The following ME3 variants were observed in gnomAD, a reference collection of about 807,000 sequenced individuals.
ME3 encodes NADP-dependent malic enzyme, mitochondrial.
ME3 carries 48 observed loss-of-function variants against 68.9 expected under a neutral mutation model. The observed-to-expected ratio is 0.70, with a 90% CI of 0.55 to 0.89. The LOEUF is 0.89. ME3 is among the 40% of genes least tolerant of loss of function. The pLI is 0.00. For missense variants in ME3, 675 were observed against 797.4 expected, an observed-to-expected ratio of 0.85 and a Z score of 1.85; for synonymous variants, 320 against 318.8, an observed-to-expected ratio of 1.00 and a Z score of -0.04.
In ME3 at chr11:86,449,978, G is replaced by A. The variant is rs201419210; in HGVS notation, c.1042C>T (p.Leu348Phe). ...CCTTCTTTCTCTAGGGCCATGACAAGGAGGTGGGCAATGCCCATAGCTGCC... is the reference window on the plus strand; with the variant it reads ...CCTTCTTTCTCTAGGGCCATGACAAAGAGGTGGGCAATGCCCATAGCTGCC... The change falls in exon 10 of 15, where the codon CTT becomes TTT. Residue 348 changes from leucine to phenylalanine, a missense_variant. By Grantham distance (22) the Leu-to-Phe change is conservative. Transcript: ENST00000543262. 379 of 1,613,778 alleles carry A rather than the reference G, an allele frequency of 2.3e-4. No homozygotes were observed. Among genetic ancestry groups the A allele is most frequent in the Non-Finnish European group, 2.8e-4 (336 of 1,179,890 alleles).
intron 7 of ME3, among the ~76,000 whole-genome samples, chr11:86,481,767 T>C (rs1305834230): frequency 6.6e-6 from 1 of 151,900 alleles, no homozygotes; most frequent in African/African-American, 2.4e-5. Context: ...GTTGTGGGAG[T>C]TGCAGGATCA....
Position 86,541,488 on chromosome 11 carries a change from T to G in ME3, c.467+15065A>C, listed in dbSNP as rs983794633. On this transcript the variant is annotated intron_variant, in intron 4 of 14. Transcript: ENST00000543262. ...AGGGGCATCTGCCATTACTGAGGTTTGAGTAGGTGGTTTTCCCCTCACAGT... is the reference window on the plus strand; with the variant it reads ...AGGGGCATCTGCCATTACTGAGGTTGGAGTAGGTGGTTTTCCCCTCACAGT... 2.0e-5 allele frequency among the ~76,000 whole-genome samples: 3 copies of G among 152,282 alleles called. No individual in the cohort carries two copies. The East Asian group carries it at 5.8e-4, about 29-fold the overall frequency.
chr11:86,513,497 C>T (rs1291145155), intron 4 of ME3, among the ~76,000 whole-genome samples: 1 of 152,202 alleles, frequency 6.6e-6, no homozygotes, highest in African/African-American at 2.4e-5. Context: ...CAAGGTCACA[C>T]AGCTCATAAG....
intron 4 of ME3, among the ~76,000 whole-genome samples, chr11:86,550,795 G>T (rs908206609): frequency 1.3e-5 from 2 of 152,108 alleles, no homozygotes; most frequent in East Asian, 1.9e-4. Flanking sequence ...CAAAAACCAT[G>T]CCCTGGGTGT....
At chr11:86,626,037 A>G (rs1049108509) in intron 2 of ME3, among the ~76,000 whole-genome samples, 1 of 152,226 alleles carries the variant, frequency 6.6e-6, no homozygotes, top group Non-Finnish European at 1.5e-5. Context: ...ATATGGAGAA[A>G]AGATACACAG....
rs539105745 is a variant in ME3, at chr11:86,611,029, C to T, written c.184-51206G>A. On this transcript the variant is annotated intron_variant, in intron 2 of 14. Transcript: ENST00000543262. Reference sequence around the variant, plus strand: ...CCTAGACAGCGTTCTGAATTTGGGTCTCAACCTCATATATATGTGAATATT... The same window carrying T: ...CCTAGACAGCGTTCTGAATTTGGGTTTCAACCTCATATATATGTGAATATT... 8.5e-5 allele frequency among the ~76,000 whole-genome samples: 13 copies of T among 152,206 alleles called. No individual in the cohort carries two copies. The East Asian group carries it at 2.5e-3, about 29-fold the overall frequency.
At chr11:86,619,785 A>T (rs1943229766) in intron 2 of ME3, among the ~76,000 whole-genome samples, 1 of 152,208 alleles carries the variant, frequency 6.6e-6, no homozygotes, top group Admixed American at 6.5e-5. Context: ...ACAGACTAAT[A>T]CAGTTGTCAA....
chr11:86,609,549 T>G (rs4245417), intron 2 of ME3, among the ~76,000 whole-genome samples: 60,212 of 151,554 alleles, frequency 0.4, 12,519 homozygotes, highest in East Asian at 0.7. Flanking sequence ...CAATCTGCTA[T>G]GAATCATAAG....
At chr11:86,616,121 A>C (rs1157728070) in intron 2 of ME3, among the ~76,000 whole-genome samples, 1 of 152,202 alleles carries the variant, frequency 6.6e-6, no homozygotes, top group Admixed American at 6.5e-5. Context: ...TATTGTCTGC[A>C]TTATGACCCA....
chr11:86,460,492 A>G lies in ME3; in HGVS notation c.919+4599T>C, dbSNP rs117188480. Among the ~76,000 whole-genome samples the G allele has an allele frequency of 2.4e-4, 37 of 152,282 alleles. No homozygotes were observed. The East Asian group carries it at 5.4e-3, about 22-fold the overall frequency. Reference sequence around the variant, plus strand: ...GGCTCCCGAGGATTGAATTCTATCTATCCACTGAGGATGTGAGGCTAGGCT... The same window carrying G: ...GGCTCCCGAGGATTGAATTCTATCTGTCCACTGAGGATGTGAGGCTAGGCT... On this transcript the variant is annotated intron_variant, in intron 8 of 14. Transcript: ENST00000543262.
At chr11:86,638,506 G>C (rs1291123147) in intron 2 of ME3, among the ~76,000 whole-genome samples, 1 of 152,084 alleles carries the variant, frequency 6.6e-6, no homozygotes, top group Admixed American at 6.6e-5. Context: ...AAAAGCTTTT[G>C]CTCAAAAAAG....
chr11:86,523,832 C>T (rs539134619), intron 4 of ME3, among the ~76,000 whole-genome samples: 17 of 152,096 alleles, frequency 1.1e-4, no homozygotes, highest in African/African-American at 3.9e-4. Context: ...GAAATTTCAG[C>T]TGAAATTGAC....
intron 2 of ME3, among the ~76,000 whole-genome samples, chr11:86,568,022 C>T (rs543456285): frequency 1.4e-4 from 21 of 149,884 alleles, no homozygotes; most frequent in African/African-American, 5.1e-4. Flanking sequence ...GGCCCTTATT[C>T]ATTCTTACCA....
chr11:86,516,624 C>T (rs2139153167), intron 4 of ME3, among the ~76,000 whole-genome samples: 1 of 152,280 alleles, frequency 6.6e-6, no homozygotes, highest in Non-Finnish European at 1.5e-5. Flanking sequence ...CTCCTGACCT[C>T]AAGTGATCCA....
intron 4 of ME3, among the ~76,000 whole-genome samples, chr11:86,551,671 G>T (rs1311202249): frequency 1.3e-5 from 2 of 152,198 alleles, no homozygotes; most frequent in Non-Finnish European, 2.9e-5. Context: ...AGCTAGACCA[G>T]GGCCCACCAT....
rs1949705447 is a variant in ME3 at position 86,452,826 on chromosome 11, G to C, written c.920-2428C>G. Among the ~76,000 whole-genome samples the C allele has an allele frequency of 1.3e-5, 2 of 152,104 alleles. 1 individual carries two copies. The highest frequency in any genetic ancestry group is 4.1e-4 in the South Asian group (2 of 4,828). On this transcript the variant is annotated intron_variant, in intron 8 of 14. Transcript: ENST00000543262. ...GTTTTCAAATGTGACTGAATTTTAT[G>C]AGCTATTAATTCTGCTTAGAGGTGG...
chr11:86,465,120 T>C (rs1289303030), exon 8 of ME3: 1 of 1,613,654 alleles, frequency 6.2e-7, no homozygotes, highest in Non-Finnish European at 8.5e-7. Flanking sequence ...CATGCAGTAC[T>C]TGTTACGGTA....
chr11:86,556,273 C>A (rs1260133588), intron 4 of ME3, among the ~76,000 whole-genome samples: 1 of 152,170 alleles, frequency 6.6e-6, no homozygotes, highest in African/African-American at 2.4e-5. Context: ...GAGAGAAATA[C>A]AACCTGAACT....
intron 11 of ME3, among the ~76,000 whole-genome samples, chr11:86,447,854 T>C (rs1949402141): frequency 3.0e-5 from 1 of 33,324 alleles, no homozygotes. Context: ...CTAAACTCTG[T>C]CAAAAAAAAA....
Sources: allele counts gnomAD v4.1 joint callset (sites outside exome capture counted in the v4.1 genomes callset), GRCh38; gene constraint gnomAD v4.1.1; transcripts MANE v1.5; gene names NCBI Gene and HGNC (gene_info 2026-07-23, HGNC 2026-07-21).